The following THSD7A variants were observed in gnomAD, a reference collection of about 807,000 sequenced individuals.
THSD7A encodes thrombospondin type-1 domain-containing protein 7A.
A neutral mutation model predicts 231.3 loss-of-function variants in THSD7A; 96 were observed. The ratio of observed to expected loss-of-function variants is 0.41; its 90% CI spans 0.35 to 0.49. The LOEUF (loss-of-function observed/expected upper bound fraction) is 0.49. THSD7A is among the 20% of genes least tolerant of loss of function. THSD7A has a pLI of 0.05. For synonymous variants in THSD7A, 940 were observed against 743.3 expected (o/e 1.26, Z -4.30); for missense variants, 2,290 against 2,070.2 (o/e 1.11, Z -2.06).
At position 11,769,140 on chromosome 7, in the gene THSD7A, TATATATATATATA is replaced by T. The variant is rs1478242714; in HGVS notation, c.190+62604_190+62616del. ...TCCTGGCAATATATATATATATATA[TATATATATATATA>T]TTTTTTTTTTTTTTTGGTATTTTTG... is the stretch of plus-strand genomic sequence containing the variant. On this transcript the variant is annotated intron_variant, in intron 1 of 27. Coordinates refer to ENST00000423059, the MANE Select transcript of THSD7A (RefSeq NM_015204.3). 2.1e-4 allele frequency among the ~76,000 whole-genome samples: 13 copies of T among 62,376 alleles called. 1 individual carries two copies. The South Asian group carries it at 3.3e-3, about 16-fold the overall frequency. 40.9% of individuals were successfully genotyped at this position (62,376 alleles called of 152,430 possible).
At chr7:11,553,245 C>A (rs1325075882) in intron 4 of THSD7A, among the ~76,000 whole-genome samples, 1 of 151,948 alleles carries the variant, frequency 6.6e-6, no homozygotes, top group Non-Finnish European at 1.5e-5. Flanking sequence ...AGCTTTTTTT[C>A]ATTAATCAAG....
chr7:11,503,995 G>C (rs767281688), intron 6 of THSD7A, among the ~76,000 whole-genome samples: 1 of 152,030 alleles, frequency 6.6e-6, no homozygotes, highest in Non-Finnish European at 1.5e-5. Flanking sequence ...TTCTGCCACA[G>C]AGATACATGC....
chr7:11,700,992 ATCC>A (rs1261364563), intron 1 of THSD7A, among the ~76,000 whole-genome samples: 2 of 151,256 alleles, frequency 1.3e-5, no homozygotes, highest in Non-Finnish European at 3.0e-5. Flanking sequence ...AACAAAAACT[ATCC>A]TCCTTCTTTG....
At chr7:11,508,355 A>G (rs532264809) in intron 6 of THSD7A, among the ~76,000 whole-genome samples, 1 of 152,346 alleles carries the variant, frequency 6.6e-6, no homozygotes, top group South Asian at 2.1e-4. Flanking sequence ...AAATGCATAT[A>G]AAACCACAAT....
intron 1 of THSD7A, among the ~76,000 whole-genome samples, chr7:11,756,885 C>T (rs1782695825): frequency 6.6e-6 from 1 of 151,918 alleles, no homozygotes; most frequent in Admixed American, 6.6e-5. Context: ...GAAGTTGTTT[C>T]TAGGGTTTTG....
chr7:11,683,745 C>G (rs1407450816), intron 1 of THSD7A, among the ~76,000 whole-genome samples: 1 of 151,654 alleles, frequency 6.6e-6, no homozygotes, highest in African/African-American at 2.4e-5. Flanking sequence ...ACTACCAACC[C>G]AAAAAAGCCC....
intron 4 of THSD7A, among the ~76,000 whole-genome samples, chr7:11,576,482 T>G (rs965458666): frequency 7.9e-5 from 12 of 152,214 alleles, no homozygotes; most frequent in Non-Finnish European, 1.2e-4. Context: ...TGCATATTGT[T>G]CACATGGAAA....
At chr7:11,772,234 C>G (rs1213261133) in intron 1 of THSD7A, among the ~76,000 whole-genome samples, 1 of 151,910 alleles carries the variant, frequency 6.6e-6, no homozygotes, top group East Asian at 1.9e-4. Flanking sequence ...AAAACAGATG[C>G]TGGCAATGGG....
chr7:11,796,514 A>G (rs775033055), intron 1 of THSD7A, among the ~76,000 whole-genome samples: 38 of 151,934 alleles, frequency 2.5e-4, no homozygotes, highest in Non-Finnish European at 5.0e-4. Context: ...ATTTCCATCC[A>G]GAATACAGCA....
At chr7:11,807,128 CAG>C (rs1784419308) in intron 1 of THSD7A, among the ~76,000 whole-genome samples, 1 of 152,088 alleles carries the variant, frequency 6.6e-6, no homozygotes, top group African/African-American at 2.4e-5. Flanking sequence ...TTTAAACAAA[CAG>C]TGCATTTCCT....
intron 24 of THSD7A, among the ~76,000 whole-genome samples, chr7:11,382,135 G>A (rs1782540902): frequency 6.6e-6 from 1 of 151,958 alleles, no homozygotes; most frequent in Admixed American, 6.6e-5. Flanking sequence ...GGTATTTTTG[G>A]TCTGCATTTA....
intron 1 of THSD7A, among the ~76,000 whole-genome samples, chr7:11,681,352 A>G (rs761892185): frequency 1.3e-5 from 2 of 152,072 alleles, no homozygotes; most frequent in Non-Finnish European, 2.9e-5. Context: ...AAACCTGCAC[A>G]TTCTGCATAT....
chr7:11,590,285 T>C lies in THSD7A; in HGVS notation c.1453+175A>G, dbSNP rs1287455743. ...AGAACTGACCAAAGATGGAATTGTGTTAAATATTTTCACAACCATAATGTG... is the reference window on the plus strand; with the variant it reads ...AGAACTGACCAAAGATGGAATTGTGCTAAATATTTTCACAACCATAATGTG... On this transcript the variant is annotated intron_variant, in intron 4 of 27. Coordinates refer to ENST00000423059, the MANE Select transcript of THSD7A (RefSeq NM_015204.3). The surrounding 1 kb of genome is among the most constrained non-coding windows in gnomAD (Gnocchi z 4.4). Among the ~76,000 whole-genome samples, 2 of 152,218 alleles carry C rather than the reference T, an allele frequency of 1.3e-5. No homozygotes were observed. Among genetic ancestry groups the C allele is most frequent in the Non-Finnish European group, 2.9e-5 (2 of 68,040 alleles).
At chr7:11,820,469 G>T in intron 1 of THSD7A, 1 of 1,171,742 alleles carries the variant, frequency 8.5e-7, no homozygotes, top group African/African-American at 1.6e-5. Context: ...CCCTGACCCG[G>T]AGGTCATCAT....
rs1002767019 is a variant in THSD7A at position 11,375,215 on chromosome 7, A to G, written c.*579T>C. 1 of 152,012 alleles carries G rather than the reference A, an allele frequency of 6.6e-6. No individual in the cohort carries two copies. Among genetic ancestry groups the G allele is most frequent in the African/African-American group, 2.4e-5 (1 of 41,414 alleles). 9.4% of individuals were successfully genotyped at this position (152,012 alleles called of 1,614,324 possible). A position where few individuals can be genotyped will look rare whatever the true frequency, so the allele number is the denominator to read the frequency against. ...TTAAAAAAGAGGCTTTGTCTCTGAA[A>G]TGCAGGTCAATAAAATCTACCATCG... On this transcript the variant is annotated 3_prime_UTR_variant, in exon 28 of 28. Transcript: ENST00000423059.
intron 27 of THSD7A, 144 bp from the exon 28 acceptor site, chr7:11,376,022 A>G: frequency 1.5e-6 from 1 of 682,854 alleles, no homozygotes; most frequent in Non-Finnish European, 2.5e-6. Flanking sequence ...CTACCTTAGA[A>G]TTTGATTTTC....
intron 23 of THSD7A, among the ~76,000 whole-genome samples, chr7:11,399,431 C>G (rs2115351713): frequency 6.7e-6 from 1 of 150,308 alleles, no homozygotes; most frequent in South Asian, 2.1e-4. Flanking sequence ...TGTCAGTTTG[C>G]TCTAAAAACA....
At chr7:11,718,981 A>G (rs563284811) in intron 1 of THSD7A, among the ~76,000 whole-genome samples, 80 of 151,822 alleles carry the variant, frequency 5.3e-4, no homozygotes, top group African/African-American at 1.9e-3. Context: ...ACTTTATACA[A>G]ATTGAGAAAT....
At chr7:11,393,885 TTTGA>T (rs1783079520) in intron 23 of THSD7A, among the ~76,000 whole-genome samples, 2 of 152,102 alleles carry the variant, frequency 1.3e-5, no homozygotes, top group East Asian at 3.9e-4. Context: ...TAAATCTGCC[TTTGA>T]TTGTTGTACC....
Sources: allele counts gnomAD v4.1 joint callset (sites outside exome capture counted in the v4.1 genomes callset), GRCh38; gene constraint gnomAD v4.1.1; non-coding constraint Gnocchi (gnomAD v3.1); transcripts MANE v1.5; gene names NCBI Gene and HGNC (gene_info 2026-07-23, HGNC 2026-07-21).